Variants in SWT1 observed in about 807,000 individuals in gnomAD.
SWT1 encodes the protein SWT1 RNA endoribonuclease homolog, also known as transcriptional protein SWT1.
Under a neutral mutation model 107.3 loss-of-function variants are expected in SWT1, and 33 were observed. The observed-to-expected ratio is 0.31, with a 90% CI of 0.23 to 0.41. SWT1 has a LOEUF of 0.41. Among genes scored for constraint, SWT1 ranks in the 10% least tolerant of loss-of-function variants. SWT1 has a pLI of 1.00. For missense variants in SWT1, 898 were observed against 1,028.9 expected, an observed-to-expected ratio of 0.87 and a Z score of 1.74; for synonymous variants, 345 against 348.3, an observed-to-expected ratio of 0.99 and a Z score of 0.11.
intron 2 of SWT1, among the ~76,000 whole-genome samples, chr1:185,166,046 T>G (rs1654542521): frequency 6.6e-6 from 1 of 152,214 alleles, no homozygotes; most frequent in East Asian, 1.9e-4. Context: ...TGCTTTATTT[T>G]TTTCCACAGC....
chr1:185,248,945 C>T lies in SWT1; in HGVS notation c.2441+17237C>T, dbSNP rs368848760. On this transcript the variant is annotated intron_variant, in intron 16 of 18. Coordinates refer to ENST00000367500, the MANE Select transcript of SWT1 (RefSeq NM_017673.7). ...TCTATTGCTGTATAACAAATCACCC[C>T]AAAACTTATTGGCTTAAAACAGTAA... Among the ~76,000 whole-genome samples the T allele has an allele frequency of 5.9e-5, 9 of 152,232 alleles. No individual in the cohort carries two copies. The South Asian group carries it at 1.9e-3, about 32-fold the overall frequency.
chr1:185,181,822 G>A (rs1656040483), intron 6 of SWT1, 124 bp from the exon 7 acceptor site: 3 of 963,324 alleles, frequency 3.1e-6, no homozygotes, highest in Admixed American at 5.4e-5. Flanking sequence ...CTCCTTCAGA[G>A]TTTTATAAAA....
chr1:185,175,659 C>T (rs1655484344), intron 5 of SWT1, among the ~76,000 whole-genome samples: 1 of 152,014 alleles, frequency 6.6e-6, no homozygotes, highest in South Asian at 2.1e-4. Flanking sequence ...TGGCAGGTAT[C>T]AAGGATTCAT....
intron 18 of SWT1, among the ~76,000 whole-genome samples, chr1:185,284,883 AAGTG>A (rs1664857375): frequency 6.6e-6 from 1 of 151,688 alleles, no homozygotes; most frequent in Admixed American, 6.6e-5. Flanking sequence ...TTCCTCAGAT[AAGTG>A]TCTTTTTTTT....
At chr1:185,213,748 A>G (rs947918583) in intron 13 of SWT1, among the ~76,000 whole-genome samples, 1 of 151,950 alleles carries the variant, frequency 6.6e-6, no homozygotes, top group African/African-American at 2.4e-5. Context: ...GAGTTTTATG[A>G]TATTACTTAA....
At position 185,231,560 on chromosome 1, in the gene SWT1, T is replaced by G; in HGVS notation, c.2310-17T>G. The G allele has an allele frequency of 6.3e-7, 1 of 1,588,942 alleles. No individual in the cohort carries two copies. Among genetic ancestry groups the G allele is most frequent in the Non-Finnish European group, 8.6e-7 (1 of 1,162,354 alleles). ...ATGTATGTATACCTATGAGTATCTT[T>G]TTTTTCTCTATTTTAGCACGGATGT... On this transcript the variant is annotated splice_polypyrimidine_tract_variant and intron_variant, in intron 15 of 18. Coordinates refer to ENST00000367500, the MANE Select transcript of SWT1 (RefSeq NM_017673.7).
In SWT1 at chr1:185,184,729, T is replaced by C; in HGVS notation, c.1241-14T>C. 1 of 1,594,128 alleles carries C rather than the reference T, an allele frequency of 6.3e-7. No homozygotes were observed. The highest frequency in any genetic ancestry group is 8.6e-7 in the Non-Finnish European group (1 of 1,169,080). ...AATGTTTGTTAAATTCTAAGAAATC[T>C]TTTTATTTTTTAGGTTTTGACAAAC... On this transcript the variant is annotated splice_polypyrimidine_tract_variant and intron_variant, in intron 8 of 18. Transcript: ENST00000367500.
At chr1:185,201,317 C>A (rs539282320) in intron 10 of SWT1, among the ~76,000 whole-genome samples, 2 of 152,300 alleles carry the variant, frequency 1.3e-5, no homozygotes, top group East Asian at 3.9e-4. Flanking sequence ...CCTCCTGCAG[C>A]TAGCTCAGTG....
intron 13 of SWT1, among the ~76,000 whole-genome samples, chr1:185,212,420 G>A (rs965944035): frequency 8.5e-5 from 13 of 152,112 alleles, no homozygotes; most frequent in Non-Finnish European, 1.9e-4. Context: ...GTAGGTGGCA[G>A]CTCTAACTGC....
At chr1:185,275,868 A>G (rs898862037) in intron 17 of SWT1, among the ~76,000 whole-genome samples, 1 of 152,172 alleles carries the variant, frequency 6.6e-6, no homozygotes, top group Non-Finnish European at 1.5e-5. Flanking sequence ...AGGGGGTATC[A>G]TTCTTCCCCA....
In SWT1 at chr1:185,243,007, G is replaced by T. The variant is rs554020020; in HGVS notation, c.2441+11299G>T. On this transcript the variant is annotated intron_variant, in intron 16 of 18. Transcript: ENST00000367500. ...ACAAGTATGTATAGTAAGTATATGG[G>T]ATAAAGCCAGATGATCAGTTCTAAT... Among the ~76,000 whole-genome samples, 3 of 152,274 alleles carry T rather than the reference G, an allele frequency of 2.0e-5. No homozygotes were observed. The East Asian group carries it at 5.8e-4, about 29-fold the overall frequency.
chr1:185,262,904 C>CA (rs2102699568), intron 16 of SWT1, among the ~76,000 whole-genome samples: 1 of 151,976 alleles, frequency 6.6e-6, no homozygotes. Context: ...TCTCCTACCT[C>CA]AGCCTCCTGA....
At chr1:185,183,318 G>A (rs12045671) in intron 7 of SWT1, among the ~76,000 whole-genome samples, 55,123 of 151,482 alleles carry the variant, frequency 0.36, 10,196 homozygotes, top group African/African-American at 0.4. Flanking sequence ...TTTTTGAGAC[G>A]GAGTGTCCTT....
intron 15 of SWT1, among the ~76,000 whole-genome samples, chr1:185,223,564 T>C (rs2102536209): frequency 6.6e-6 from 1 of 152,274 alleles, no homozygotes; most frequent in Non-Finnish European, 1.5e-5. Flanking sequence ...ATTTCCCTGA[T>C]GATTAGTGAT....
chr1:185,176,602 C>G, intron 5 of SWT1: 1 of 983,970 alleles, frequency 1.0e-6, no homozygotes, highest in Non-Finnish European at 1.2e-6. Context: ...AACTGTGGAA[C>G]CTTGGAATTT....
At chr1:185,218,076 A>C (rs1045560939) in intron 14 of SWT1, among the ~76,000 whole-genome samples, 3 of 152,220 alleles carry the variant, frequency 2.0e-5, no homozygotes, top group Non-Finnish European at 4.4e-5. Context: ...ATATACTTTT[A>C]ACAGGAGTTG....
At chr1:185,266,471 T>A (rs1189838291) in intron 16 of SWT1, 4 of 152,218 alleles carry the variant, frequency 2.6e-5, no homozygotes, top group Non-Finnish European at 5.9e-5. Context: ...ATTTTTAAAA[T>A]TCAAATTGAA....
chr1:185,270,740 CTG>C (rs1439204578), intron 16 of SWT1, among the ~76,000 whole-genome samples: 1 of 151,990 alleles, frequency 6.6e-6, no homozygotes, highest in African/African-American at 2.4e-5. Context: ...TGTTTTATTT[CTG>C]TGTTTGTCAT....
chr1:185,217,810 G>T (rs1174188566), intron 14 of SWT1, among the ~76,000 whole-genome samples: 3 of 152,162 alleles, frequency 2.0e-5, no homozygotes, highest in Admixed American at 2.0e-4. Context: ...TGGCCAGGCT[G>T]GTCTGGAACT....
Sources: allele counts gnomAD v4.1 joint callset (sites outside exome capture counted in the v4.1 genomes callset), GRCh38; gene constraint gnomAD v4.1.1; transcripts MANE v1.5; gene names NCBI Gene and HGNC (gene_info 2026-07-23, HGNC 2026-07-21).